The following SNX29 variants were observed in gnomAD, a reference collection of about 807,000 sequenced individuals.
SNX29 encodes sorting nexin 29.
In SNX29, 78 loss-of-function variants were observed where a neutral mutation model predicts 102.1. The observed-to-expected ratio is 0.76, with a 90% confidence interval of 0.64 to 0.92. The LOEUF (loss-of-function observed/expected upper bound fraction) is 0.92, where lower values mean the gene tolerates loss of function less well. Ranked by LOEUF, SNX29 falls within the 40% of genes least tolerant of loss-of-function variation. The probability of loss-of-function intolerance (pLI) is 0.00; values close to 1 mark genes in which losing one functional copy is unlikely to be tolerated. For synonymous variants in SNX29, 580 were observed against 414.5 expected, an observed-to-expected ratio of 1.40 and a Z score of -4.85; for missense variants, 1,280 against 1,061.7, an observed-to-expected ratio of 1.21 and a Z score of -2.86.
At chr16:12,307,875 C>T (rs904432405) in intron 15 of SNX29, among the ~76,000 whole-genome samples, 1 of 152,228 alleles carries the variant, frequency 6.6e-6, no homozygotes, top group Non-Finnish European at 1.5e-5. Flanking sequence ...TGACCCTGAC[C>T]TTCTGAACTC....
chr16:12,560,534 C>G (rs1019658314), intron 20 of SNX29, among the ~76,000 whole-genome samples: 1 of 152,158 alleles, frequency 6.6e-6, no homozygotes, highest in Admixed American at 6.5e-5. Context: ...AAGACCATTT[C>G]TATTTCTGGT....
rs1316017097 is a variant in SNX29, at chr16:12,572,707, C to CA, written c.*4079dup. On this transcript the variant is annotated 3_prime_UTR_variant, in exon 21 of 21. Coordinates refer to ENST00000566228, the MANE Select transcript of SNX29 (RefSeq NM_032167.5). Reference sequence around the variant, plus strand: ...AGCCCTGCACTCCAGCAGCATCTTCCAGCCTTGGCACAGAACTGATGGCAA... The same window carrying CA: ...AGCCCTGCACTCCAGCAGCATCTTCCAAGCCTTGGCACAGAACTGATGGCAA... The CA allele has an allele frequency of 2.2e-5, 23 of 1,063,898 alleles. No individual in the cohort carries two copies. The African/African-American group carries it at 3.1e-4, about 14-fold the overall frequency. 65.9% of individuals were successfully genotyped at this position (1,063,898 alleles called of 1,614,324 possible).
At chr16:12,008,302 T>C (rs926336549) in intron 3 of SNX29, among the ~76,000 whole-genome samples, 2 of 151,746 alleles carry the variant, frequency 1.3e-5, no homozygotes, top group Non-Finnish European at 2.9e-5. Context: ...GGAGTTTCGC[T>C]CTTGTTGCCC....
At chr16:12,302,291 A>C (rs1233899170) in intron 15 of SNX29, among the ~76,000 whole-genome samples, 1 of 152,208 alleles carries the variant, frequency 6.6e-6, no homozygotes, top group Non-Finnish European at 1.5e-5. Context: ...AGTAAAAGTC[A>C]GTTTCTACAG....
intron 1 of SNX29, among the ~76,000 whole-genome samples, chr16:11,984,171 A>C (rs2055505578): frequency 1.3e-5 from 2 of 152,052 alleles, no homozygotes; most frequent in African/African-American, 2.4e-5. Context: ...TGGGCAACAT[A>C]GTGGGACCCG....
At chr16:12,472,836 A>T (rs1347610837) in intron 18 of SNX29, among the ~76,000 whole-genome samples, 1 of 152,174 alleles carries the variant, frequency 6.6e-6, no homozygotes, top group Non-Finnish European at 1.5e-5. Context: ...TGGAAAAGAA[A>T]TCTTCAGATT....
intron 18 of SNX29, among the ~76,000 whole-genome samples, chr16:12,435,258 G>A (rs551058675): frequency 3.3e-5 from 5 of 152,286 alleles, no homozygotes; most frequent in African/African-American, 9.6e-5. Context: ...GGACCCATCT[G>A]GTCTTAGCCA....
At chr16:12,430,203 C>T (rs368675829) in intron 18 of SNX29, among the ~76,000 whole-genome samples, 1 of 152,232 alleles carries the variant, frequency 6.6e-6, no homozygotes, top group East Asian at 1.9e-4. Flanking sequence ...TCAGTTCCCC[C>T]CCCAGCCCCA....
intron 20 of SNX29, among the ~76,000 whole-genome samples, chr16:12,544,595 G>C (rs749149406): frequency 2.0e-5 from 3 of 152,182 alleles, no homozygotes; most frequent in Admixed American, 6.5e-5. Context: ...TTCTTAATGA[G>C]TTGTCACTCC....
In SNX29 at chr16:12,340,500, A is replaced by G. The variant is rs545752368; in HGVS notation, c.1783-15663A>G. ...AATAGTAAGGATGGATGGATGTGGG[A>G]GACAGAATGGGAAGAGCATGGTTTT... On this transcript the variant is annotated intron_variant, in intron 15 of 20. Transcript: ENST00000566228. Among the ~76,000 whole-genome samples, 5 of 152,300 alleles carry G rather than the reference A, an allele frequency of 3.3e-5. No homozygotes were observed. In the South Asian group the frequency reaches 1.0e-3, roughly 32 times the overall value.
chr16:12,486,233 G>T (rs984765177), intron 19 of SNX29, among the ~76,000 whole-genome samples: 2 of 152,148 alleles, frequency 1.3e-5, no homozygotes, highest in East Asian at 3.9e-4. Flanking sequence ...GCAGGGAAGA[G>T]TTCTCCACTT....
At chr16:12,488,222 A>G (rs2088349368) in intron 19 of SNX29, among the ~76,000 whole-genome samples, 1 of 152,086 alleles carries the variant, frequency 6.6e-6, no homozygotes, top group African/African-American at 2.4e-5. Context: ...CCCATCCTGC[A>G]TATTTTCTAG....
At chr16:12,027,482 C>G (rs1189148982) in intron 4 of SNX29, 38 bp downstream of exon 4, 4 of 1,609,056 alleles carry the variant, frequency 2.5e-6, no homozygotes, top group Non-Finnish European at 3.4e-6. Flanking sequence ...AGGAGCTTGT[C>G]TTCCTTCTGC....
intron 14 of SNX29, among the ~76,000 whole-genome samples, chr16:12,269,905 G>T (rs537697675): frequency 6.6e-6 from 1 of 151,748 alleles, no homozygotes. Flanking sequence ...CTGTTGCCCA[G>T]GCTGGAGTGC....
intron 14 of SNX29, among the ~76,000 whole-genome samples, chr16:12,229,248 C>T (rs2077701749): frequency 1.3e-5 from 2 of 152,194 alleles, no homozygotes; most frequent in African/African-American, 4.8e-5. Context: ...TATTGGCCTC[C>T]ATAACTAAAG....
At chr16:12,420,595 T>A (rs1351594833) in intron 18 of SNX29, among the ~76,000 whole-genome samples, 1 of 152,200 alleles carries the variant, frequency 6.6e-6, no homozygotes, top group East Asian at 1.9e-4. Flanking sequence ...CTGTGAAGTT[T>A]CTTAACATCT....
At chr16:12,535,842 A>G (rs2141205001) in intron 20 of SNX29, among the ~76,000 whole-genome samples, 1 of 152,254 alleles carries the variant, frequency 6.6e-6, no homozygotes, top group Admixed American at 6.5e-5. Flanking sequence ...CAGTGCTTAG[A>G]TCGGCCATGG....
At chr16:12,433,585 C>A (rs558359805) in intron 18 of SNX29, among the ~76,000 whole-genome samples, 2 of 146,248 alleles carry the variant, frequency 1.4e-5, no homozygotes, top group East Asian at 4.1e-4. Flanking sequence ...GAGCCGAGAT[C>A]ATGCCACTGC....
At chr16:12,517,016 C>T (rs2089895179) in intron 19 of SNX29, among the ~76,000 whole-genome samples, 3 of 152,148 alleles carry the variant, frequency 2.0e-5, no homozygotes, top group African/African-American at 4.8e-5. Flanking sequence ...AAAAATATTC[C>T]TATTAAAATT....
Sources: allele counts gnomAD v4.1 joint callset (sites outside exome capture counted in the v4.1 genomes callset), GRCh38; gene constraint gnomAD v4.1.1; transcripts MANE v1.5; gene names NCBI Gene and HGNC (gene_info 2026-07-23, HGNC 2026-07-21).